The following NAP1L1 variants were observed in gnomAD, a reference collection of about 807,000 sequenced individuals.
The protein encoded by NAP1L1 is nucleosome assembly protein 1 like 1, also known as nucleosome assembly protein 1-like 1.
A neutral mutation model predicts 58.9 loss-of-function variants in NAP1L1; 9 were observed. That is an observed-to-expected ratio of 0.15 (90% confidence interval 0.09 to 0.27). The LOEUF is 0.27. Among genes scored for constraint, NAP1L1 ranks in the 10% least tolerant of loss-of-function variants. The pLI, the probability that NAP1L1 is intolerant of heterozygous loss-of-function variation, is 1.00. For synonymous variants in NAP1L1, 130 were observed against 138.3 expected (o/e 0.94, Z 0.42); for missense variants, 302 against 458.8 (o/e 0.66, Z 3.12).
chr12:76,049,335 T>TA, intron 13 of NAP1L1, 85 bp from the exon 14 acceptor site: 2 of 1,604,704 alleles, frequency 1.2e-6, no homozygotes, highest in Non-Finnish European at 1.7e-6. Flanking sequence ...TAATACAAGT[T>TA]ACTCTACGGA....
At chr12:76,076,646 A>C (rs564010880) in intron 1 of NAP1L1, among the ~76,000 whole-genome samples, 1 of 149,230 alleles carries the variant, frequency 6.7e-6, no homozygotes, top group African/African-American at 2.5e-5. Flanking sequence ...TCTGAAAACA[A>C]ACACCAAAAA....
At position 76,040,846 on chromosome 12, in the gene NAP1L1, AGC is replaced by A. The variant is rs1565705536; in HGVS notation, c.*7581_*7582del. On this transcript the variant is annotated 3_prime_UTR_variant, in exon 15 of 15. Transcript: ENST00000618691. ...CCAAAGTGTTGGGATTACAGGCATG[AGC>A]CACCACACCTGGCCATAATATATTT... The A allele has an allele frequency of 6.6e-6, 1 of 152,282 alleles. No individual in the cohort carries two copies. The highest frequency in any genetic ancestry group is 1.5e-5 in the Non-Finnish European group (1 of 68,094). 9.4% of individuals were successfully genotyped at this position (152,282 alleles called of 1,614,324 possible).
At chr12:76,049,403 C>T (rs899268994) in intron 13 of NAP1L1, 153 bp from the exon 14 acceptor site, 12 of 1,535,780 alleles carry the variant, frequency 7.8e-6, no homozygotes, top group Non-Finnish European at 1.0e-5. Context: ...TTGAAAGCTT[C>T]TAATATGAAA....
intron 14 of NAP1L1, 62 bp from the exon 15 acceptor site, chr12:76,048,526 TA>T: frequency 6.6e-7 from 1 of 1,518,830 alleles, no homozygotes; most frequent in East Asian, 2.3e-5. Flanking sequence ...AATTTCTCAA[TA>T]GTAATTACTG....
rs1948573076 is a variant in NAP1L1 at position 76,043,777 on chromosome 12, A to C, written c.*4652T>G. On this transcript the variant is annotated 3_prime_UTR_variant, in exon 15 of 15. Transcript: ENST00000618691. ...TTCACAAATTCCTACAGATTCTCAA[A>C]ATCTCAGCTAAAAGCTCATACAAAT... 6.6e-6 allele frequency: 1 copy of C among 152,074 alleles called. No individual in the cohort carries two copies. Among genetic ancestry groups the C allele is most frequent in the Non-Finnish European group, 1.5e-5 (1 of 68,028 alleles). 9.4% of individuals were successfully genotyped at this position (152,074 alleles called of 1,614,324 possible).
chr12:76,049,307 C>A (rs1592605066), intron 13 of NAP1L1, 57 bp from the exon 14 acceptor site: 2 of 1,610,918 alleles, frequency 1.2e-6, no homozygotes, highest in East Asian at 4.5e-5. Context: ...TAAACTGGCT[C>A]ATAATGTAGG....
At position 76,042,828 on chromosome 12, in the gene NAP1L1, G is replaced by T. The variant is rs978116596; in HGVS notation, c.*5601C>A. Reference sequence around the variant, plus strand: ...TCCTTGGAGAAATGGCCCATTCCAGGGCTGAAATAGAAAACGCCTGTAAGA... The same window carrying T: ...TCCTTGGAGAAATGGCCCATTCCAGTGCTGAAATAGAAAACGCCTGTAAGA... On this transcript the variant is annotated 3_prime_UTR_variant, in exon 15 of 15. Transcript: ENST00000618691. 3.3e-5 allele frequency: 5 copies of T among 152,108 alleles called. No homozygotes were observed. The highest frequency in any genetic ancestry group is 5.9e-5 in the Non-Finnish European group (4 of 68,036). 9.4% of individuals were successfully genotyped at this position (152,108 alleles called of 1,614,324 possible). A position where few individuals can be genotyped will look rare whatever the true frequency, so the allele number is the denominator to read the frequency against.
chr12:76,083,427 T>A (rs1293992193), intron 1 of NAP1L1, among the ~76,000 whole-genome samples: 1 of 144,004 alleles, frequency 6.9e-6, no homozygotes, highest in East Asian at 2.0e-4. Context: ...AGAACTGTCT[T>A]GGGCCACACG....
intron 2 of NAP1L1, chr12:76,073,943 T>A: frequency 2.7e-6 from 1 of 364,258 alleles, no homozygotes; most frequent in Non-Finnish European, 4.9e-6. Context: ...TTATAATCCA[T>A]TATCATGCTC....
At chr12:76,075,399 T>A (rs1950136389) in intron 1 of NAP1L1, among the ~76,000 whole-genome samples, 1 of 152,220 alleles carries the variant, frequency 6.6e-6, no homozygotes, top group Non-Finnish European at 1.5e-5. Flanking sequence ...TGCATGTGTT[T>A]ACTTTCATAG....
chr12:76,038,193 G>A lies in NAP1L1; in HGVS notation c.*10236C>T, dbSNP rs943727299. Reference sequence around the variant, plus strand: ...GTCTCTGGGGTGACAAGATACCCCAGTAACTAAGAGTGGAAGCAATCCTCT... The same window carrying A: ...GTCTCTGGGGTGACAAGATACCCCAATAACTAAGAGTGGAAGCAATCCTCT... On this transcript the variant is annotated 3_prime_UTR_variant, in exon 15 of 15. Transcript: ENST00000618691. The A allele has an allele frequency of 2.0e-5, 3 of 152,298 alleles. No individual in the cohort carries two copies. The highest frequency in any genetic ancestry group is 4.4e-5 in the Non-Finnish European group (3 of 68,010). The allele number at this position is 152,298 out of a possible 1,614,324, so 9.4% of individuals were successfully genotyped here.
intron 2 of NAP1L1, among the ~76,000 whole-genome samples, chr12:76,072,922 C>T (rs754077035): frequency 1.3e-5 from 2 of 151,904 alleles, no homozygotes; most frequent in Non-Finnish European, 1.5e-5. Flanking sequence ...ACTAACAAAC[C>T]GAGAAAGCAA....
At position 76,037,243 on chromosome 12, in the gene NAP1L1, G is replaced by C. The variant is rs929992491; in HGVS notation, c.*11186C>G. On this transcript the variant is annotated 3_prime_UTR_variant, in exon 15 of 15. Coordinates refer to ENST00000618691, the MANE Select transcript of NAP1L1 (RefSeq NM_004537.7). ...CAGAACTATCCAGACTTCTTAGGTG[G>C]GTGTCCAGAGCTGCCTTCCTTTTCG... 3 of 152,204 alleles carry C rather than the reference G, an allele frequency of 2.0e-5. No individual in the cohort carries two copies. Among genetic ancestry groups the C allele is most frequent in the Admixed American group, 6.5e-5 (1 of 15,276 alleles). The allele number at this position is 152,204 out of a possible 1,614,324, so 9.4% of individuals were successfully genotyped here.
At chr12:76,073,185 G>A (rs1026773769) in intron 2 of NAP1L1, among the ~76,000 whole-genome samples, 2 of 151,854 alleles carry the variant, frequency 1.3e-5, no homozygotes, top group African/African-American at 2.4e-5. Flanking sequence ...GATAAAATGC[G>A]TAAGAGTGGC....
Position 76,039,416 on chromosome 12 carries a change from A to G in NAP1L1, c.*9013T>C, listed in dbSNP as rs1184569141. ...TCTGCCTGAGAACCATGAAGCTCCCATATCAGTCCCAGAGTCTGTCTAAGC... is the reference window on the plus strand; with the variant it reads ...TCTGCCTGAGAACCATGAAGCTCCCGTATCAGTCCCAGAGTCTGTCTAAGC... On this transcript the variant is annotated 3_prime_UTR_variant, in exon 15 of 15. Transcript: ENST00000618691. 6.6e-6 allele frequency: 1 copy of G among 152,256 alleles called. No homozygotes were observed. Among genetic ancestry groups the G allele is most frequent in the Non-Finnish European group, 1.5e-5 (1 of 68,066 alleles). 9.4% of individuals were successfully genotyped at this position (152,256 alleles called of 1,614,324 possible). A position where few individuals can be genotyped will look rare whatever the true frequency, so the allele number is the denominator to read the frequency against.
intron 11 of NAP1L1, among the ~76,000 whole-genome samples, chr12:76,051,019 A>C (rs1948800568): frequency 6.6e-6 from 1 of 151,834 alleles, no homozygotes; most frequent in Non-Finnish European, 1.5e-5. Context: ...AAAAAAAAAA[A>C]AGACAGACTC....
intron 7 of NAP1L1, among the ~76,000 whole-genome samples, chr12:76,055,637 T>G (rs1231482313): frequency 1.3e-5 from 2 of 152,214 alleles, no homozygotes; most frequent in African/African-American, 4.8e-5. Context: ...AATGTAACCA[T>G]TGTGAATGAG....
At position 76,039,551 on chromosome 12, in the gene NAP1L1, A is replaced by C. The variant is rs1948531078; in HGVS notation, c.*8878T>G. On this transcript the variant is annotated 3_prime_UTR_variant, in exon 15 of 15. Coordinates refer to ENST00000618691, the MANE Select transcript of NAP1L1 (RefSeq NM_004537.7). ...GAGAGAAAAAGGAAAGATTATCTGA[A>C]TATTGTTTAAAATGAAATCTAGATT... 6.6e-6 allele frequency: 1 copy of C among 152,220 alleles called. No individual in the cohort carries two copies. The highest frequency in any genetic ancestry group is 2.4e-5 in the African/African-American group (1 of 41,446). The allele number at this position is 152,220 out of a possible 1,614,324, so 9.4% of individuals were successfully genotyped here.
intron 2 of NAP1L1, among the ~76,000 whole-genome samples, chr12:76,072,440 A>G (rs1047276566): frequency 2.6e-5 from 4 of 152,082 alleles, no homozygotes; most frequent in African/African-American, 9.7e-5. Context: ...GATGGAAAAT[A>G]GGACAAAAGG....
Sources: allele counts gnomAD v4.1 joint callset (sites outside exome capture counted in the v4.1 genomes callset), GRCh38; gene constraint gnomAD v4.1.1; transcripts MANE v1.5; gene names NCBI Gene and HGNC (gene_info 2026-07-23, HGNC 2026-07-21).